The following PIGX variants were observed in gnomAD, a reference collection of about 807,000 sequenced individuals.
PIGX encodes GPI alpha-1,4-mannosyltransferase I, stabilizing subunit.
Under a neutral mutation model 28.7 loss-of-function variants are expected in PIGX, and 24 were observed. That is an observed-to-expected ratio of 0.84 (90% CI 0.60 to 1.17). The LOEUF is 1.17. Among genes scored for constraint, PIGX ranks in the 50% most tolerant of loss-of-function variants. PIGX has a pLI of 0.00. For synonymous variants in PIGX, 127 were observed against 121.0 expected (o/e 1.05, Z -0.33); for missense variants, 305 against 317.8 (o/e 0.96, Z 0.31).
intron 5 of PIGX, among the ~76,000 whole-genome samples, chr3:196,732,215 TTTA>T (rs1712793032): frequency 2.5e-5 from 1 of 39,644 alleles, no homozygotes; most frequent in African/African-American, 1.1e-4. Context: ...GTATATATTA[TTTA>T]TATATATATA....
chr3:196,716,625 G>A (rs956051477), intron 1 of PIGX, among the ~76,000 whole-genome samples: 2 of 151,996 alleles, frequency 1.3e-5, no homozygotes, highest in African/African-American at 4.8e-5. Flanking sequence ...TTACAGACTG[G>A]GATTTGAAAT....
rs533549713 is a variant in PIGX, at chr3:196,727,220, A to T, written c.319-703A>T. On this transcript the variant is annotated intron_variant, in intron 3 of 5. Coordinates refer to ENST00000392391, the MANE Select transcript of PIGX (RefSeq NM_017861.4). Reference sequence around the variant, plus strand: ...CTGTGTGTGTATGTGGATATATGTGAGTGTGTGTACATAAATATGTATGTA... The same window carrying T: ...CTGTGTGTGTATGTGGATATATGTGTGTGTGTGTACATAAATATGTATGTA... 2.0e-5 allele frequency among the ~76,000 whole-genome samples: 3 copies of T among 152,300 alleles called. No individual in the cohort carries two copies. In the South Asian group the frequency reaches 6.2e-4, roughly 32 times the overall value.
chr3:196,719,686 T>C (rs1306106622), intron 2 of PIGX, among the ~76,000 whole-genome samples: 2 of 152,226 alleles, frequency 1.3e-5, no homozygotes, highest in Non-Finnish European at 2.9e-5. Flanking sequence ...TTTTTACTTG[T>C]GTTATGAACC....
At position 196,713,278 on chromosome 3, in the gene PIGX, T is replaced by C. The variant is rs576392676; in HGVS notation, c.112+634T>C. Among the ~76,000 whole-genome samples, 5 of 145,514 alleles carry C rather than the reference T, an allele frequency of 3.4e-5. No homozygotes were observed. The South Asian group carries it at 1.1e-3, about 33-fold the overall frequency. Reference sequence around the variant, plus strand: ...TGTTTACATATTGGGTTTTCAAGTTTATCTAAACAAAGGATTATGAGGCCA... The same window carrying C: ...TGTTTACATATTGGGTTTTCAAGTTCATCTAAACAAAGGATTATGAGGCCA... On this transcript the variant is annotated intron_variant, in intron 1 of 5. Transcript: ENST00000392391.
intron 1 of PIGX, among the ~76,000 whole-genome samples, chr3:196,715,103 TA>T (rs933211278): frequency 4.6e-5 from 7 of 151,964 alleles, no homozygotes; most frequent in Non-Finnish European, 7.4e-5. Flanking sequence ...TAAATAAAAA[TA>T]AAAAAAGAAC....
intron 4 of PIGX, chr3:196,728,809 A>C (rs551180704): frequency 3.9e-6 from 3 of 763,968 alleles, no homozygotes; most frequent in Admixed American, 1.7e-5. Context: ...GGCATGTACT[A>C]TGTGTTTCTT....
rs901001882 is a variant in PIGX, at chr3:196,733,646, C to T, written c.634-113C>T. 1 of 725,814 alleles carries T rather than the reference C, an allele frequency of 1.4e-6. No homozygotes were observed. The highest frequency in any genetic ancestry group is 1.8e-5 in the African/African-American group (1 of 57,132). The allele number at this position is 725,814 out of a possible 1,614,324, so 45.0% of individuals were successfully genotyped here. Reference sequence around the variant, plus strand: ...CAGGCTGGTTTTGAACTCCTGACCTCAAGCGATCTGCCCGCCTTGGCCTCC... The same window carrying T: ...CAGGCTGGTTTTGAACTCCTGACCTTAAGCGATCTGCCCGCCTTGGCCTCC... On this transcript the variant is annotated intron_variant, in intron 5 of 5. Transcript: ENST00000392391. The surrounding 1 kb of genome is among the most constrained non-coding windows in gnomAD (Gnocchi z 4.3).
At chr3:196,714,578 C>T (rs1281479752) in intron 1 of PIGX, among the ~76,000 whole-genome samples, 1 of 151,992 alleles carries the variant, frequency 6.6e-6, no homozygotes, top group Middle Eastern at 3.4e-3. Context: ...TCTCCTGCCT[C>T]AGCCTCCCAA....
chr3:196,730,800 T>C (rs1389713244), intron 4 of PIGX, among the ~76,000 whole-genome samples, 192 bp from the exon 5 acceptor site: 1 of 151,916 alleles, frequency 6.6e-6, no homozygotes, highest in Non-Finnish European at 1.5e-5. Flanking sequence ...TGCAATACTT[T>C]TGTGATTTTC....
chr3:196,714,289 C>A (rs1711991919), intron 1 of PIGX, among the ~76,000 whole-genome samples: 1 of 152,052 alleles, frequency 6.6e-6, no homozygotes, highest in Non-Finnish European at 1.5e-5. Context: ...CATAGCAAGA[C>A]CCTGTCTCTG....
chr3:196,725,899 AT>A (rs948446863), intron 3 of PIGX, among the ~76,000 whole-genome samples: 6 of 152,236 alleles, frequency 3.9e-5, no homozygotes, highest in Non-Finnish European at 7.3e-5. Flanking sequence ...CCTTAAAAAA[AT>A]ATCAAACTTT....
At chr3:196,720,593 G>C (rs1349423840) in intron 2 of PIGX, among the ~76,000 whole-genome samples, 2 of 152,084 alleles carry the variant, frequency 1.3e-5, no homozygotes, top group Non-Finnish European at 2.9e-5. Context: ...GTAATTTTTT[G>C]AGAAATTGTC....
intron 1 of PIGX, among the ~76,000 whole-genome samples, chr3:196,714,300 C>CA (rs1165452499): frequency 7.2e-5 from 11 of 151,998 alleles, no homozygotes; most frequent in Non-Finnish European, 1.3e-4. Context: ...CCTGTCTCTG[C>CA]AAAAAAATTT....
Position 196,735,260 on chromosome 3 carries a change from A to C in PIGX, c.*1358A>C, listed in dbSNP as rs373141745. On this transcript the variant is annotated 3_prime_UTR_variant, in exon 6 of 6. Coordinates refer to ENST00000392391, the MANE Select transcript of PIGX (RefSeq NM_017861.4). ...CAGTGAGCCGAGATCACGCCACTGC[A>C]CTCCAGCCTGGGCGACAGAGTGAGA... 7.9e-6 allele frequency: 1 copy of C among 126,044 alleles called. No homozygotes were observed. Among genetic ancestry groups the C allele is most frequent in the African/African-American group, 3.1e-5 (1 of 32,666 alleles). 7.8% of individuals were successfully genotyped at this position (126,044 alleles called of 1,614,324 possible). A position where few individuals can be genotyped will look rare whatever the true frequency, so the allele number is the denominator to read the frequency against.
At chr3:196,719,818 G>T (rs1442186853) in intron 2 of PIGX, among the ~76,000 whole-genome samples, 1 of 151,436 alleles carries the variant, frequency 6.6e-6, no homozygotes. Context: ...TTGGTATGGG[G>T]TCTCGCTCTG....
chr3:196,716,757 C>G, intron 1 of PIGX, 101 bp from the exon 2 acceptor site: 1 of 499,922 alleles, frequency 2.0e-6, no homozygotes. Context: ...GTTAGATTTT[C>G]TAGGCAAGTA....
intron 4 of PIGX, chr3:196,728,338 A>G: frequency 1.7e-6 from 1 of 590,232 alleles, no homozygotes; most frequent in South Asian, 2.2e-5. Flanking sequence ...TACAATAAAA[A>G]AGTTAAAAAG....
intron 2 of PIGX, among the ~76,000 whole-genome samples, chr3:196,719,250 T>C (rs796449138): frequency 1.2e-4 from 19 of 152,084 alleles, no homozygotes; most frequent in African/African-American, 3.6e-4. Flanking sequence ...TACTTTTTTA[T>C]CTATTTGTTT....
In PIGX at chr3:196,726,690, T is replaced by TAA. The variant is rs1210025990; in HGVS notation, c.319-1233_319-1232insAA. 6 of 456,522 alleles carry TAA rather than the reference T, an allele frequency of 1.3e-5. No individual in the cohort carries two copies. In the Admixed American group the frequency reaches 1.4e-4, roughly 11 times the overall value. The allele number at this position is 456,522 out of a possible 1,614,324, so 28.3% of individuals were successfully genotyped here. A position where few individuals can be genotyped will look rare whatever the true frequency, so the allele number is the denominator to read the frequency against. On this transcript the variant is annotated intron_variant, in intron 3 of 5. Coordinates refer to ENST00000392391, the MANE Select transcript of PIGX (RefSeq NM_017861.4). ...CATGGCGGCGGCTATGGTTGCCTTCTGATAATTGAAGGATCCCTAGTGGAA... is the reference window on the plus strand; with the variant it reads ...CATGGCGGCGGCTATGGTTGCCTTCTAAGATAATTGAAGGATCCCTAGTGGAA...
Sources: gnomAD v4.1 joint callset for allele counts (sites outside exome capture counted in the v4.1 genomes callset) on GRCh38, gnomAD v4.1.1 for gene constraint, Gnocchi (gnomAD v3.1) non-coding constraint, MANE v1.5 for transcripts, NCBI Gene and HGNC (gene_info 2026-07-23, HGNC 2026-07-21) for gene names.